IL16: variants seen among roughly 807,000 people sequenced by gnomAD.
IL16 encodes the protein interleukin 16.
IL16 carries 67 observed loss-of-function variants against 110.1 expected under a neutral mutation model. The ratio of observed to expected loss-of-function variants is 0.61; its 90% confidence interval spans 0.50 to 0.75. The LOEUF (loss-of-function observed/expected upper bound fraction) is 0.75, where lower values mean the gene tolerates loss of function less well. Among genes scored for constraint, IL16 ranks in the 30% least tolerant of loss-of-function variants. The probability of loss-of-function intolerance (pLI) is 0.00; values close to 1 mark genes in which losing one functional copy is unlikely to be tolerated. For missense variants in IL16, 1,545 were observed against 1,655.0 expected (o/e 0.93, Z 1.15); for synonymous variants, 689 against 662.9 (o/e 1.04, Z -0.61).
chr15:81,196,581 CA>C (rs1169729493), upstream of IL16, among the ~76,000 whole-genome samples: 1 of 152,180 alleles, frequency 6.6e-6, no homozygotes, highest in Non-Finnish European at 1.5e-5. Context: ...AGCAGCGTGC[CA>C]GGCACATTGC....
At chr15:81,203,043 T>A (rs1895878557) in intron 1 of IL16, among the ~76,000 whole-genome samples, 2 of 152,058 alleles carry the variant, frequency 1.3e-5, no homozygotes, top group Admixed American at 1.3e-4. Flanking sequence ...GATATCTCAT[T>A]GTGGTTTTGA....
chr15:81,228,099 G>A (rs767578587), intron 2 of IL16, among the ~76,000 whole-genome samples: 4 of 152,092 alleles, frequency 2.6e-5, no homozygotes, highest in Non-Finnish European at 5.9e-5. Context: ...AGGGACATGC[G>A]TCTGCAAAGA....
chr15:81,299,282 T>C, intron 13 of IL16, 98 bp from the exon 14 acceptor site: 1 of 1,596,026 alleles, frequency 6.3e-7, no homozygotes, highest in South Asian at 1.1e-5. Context: ...TCTCCTCCTC[T>C]TGAATCCTTC....
At chr15:81,266,873 A>G (rs373348062) in intron 4 of IL16, among the ~76,000 whole-genome samples, 3 of 152,328 alleles carry the variant, frequency 2.0e-5, no homozygotes, top group South Asian at 2.1e-4. Flanking sequence ...CGGTCAAGCA[A>G]TGTTTCCCTG....
chr15:81,307,274 G>T (rs1019260079), intron 18 of IL16, among the ~76,000 whole-genome samples: 1 of 152,188 alleles, frequency 6.6e-6, no homozygotes, highest in Non-Finnish European at 1.5e-5. Context: ...TCTAGTCCCA[G>T]CTCTGCCTGT....
chr15:81,226,540 A>T (rs532107210), intron 2 of IL16, among the ~76,000 whole-genome samples: 37 of 152,318 alleles, frequency 2.4e-4, no homozygotes, highest in Non-Finnish European at 4.7e-4. Flanking sequence ...TATGCATTTA[A>T]ATAGGGAAGA....
In IL16 at chr15:81,308,597, C is replaced by T; in HGVS notation, c.3806-8C>T. ...CTGTGGAACCCATTACCTTCTCCCT[C>T]ATTTCAGGAGCAGCCTCAGAACAAA... On this transcript the variant is annotated splice_polypyrimidine_tract_variant and splice_region_variant and intron_variant, in intron 18 of 18. Transcript: ENST00000683961. 1 of 1,589,422 alleles carries T rather than the reference C, an allele frequency of 6.3e-7. No homozygotes were observed. Among genetic ancestry groups the T allele is most frequent in the Non-Finnish European group, 8.6e-7 (1 of 1,169,108 alleles).
chr15:81,299,253 T>C, intron 13 of IL16, 127 bp from the exon 14 acceptor site: 3 of 1,525,074 alleles, frequency 2.0e-6, no homozygotes, highest in East Asian at 4.5e-5. Context: ...CCCACCTGGG[T>C]GTCCCCCACT....
intron 14 of IL16, among the ~76,000 whole-genome samples, chr15:81,300,997 T>C (rs555128644): frequency 6.6e-6 from 1 of 152,302 alleles, no homozygotes; most frequent in South Asian, 2.1e-4. Context: ...GTTCTTTCCA[T>C]GCTCACCCTC....
chr15:81,252,265 G>A (rs1401976931), intron 2 of IL16, among the ~76,000 whole-genome samples: 2 of 152,196 alleles, frequency 1.3e-5, no homozygotes, highest in Non-Finnish European at 2.9e-5. Flanking sequence ...AGAGGAGAAG[G>A]GATGTTGAAT....
upstream of IL16, among the ~76,000 whole-genome samples, chr15:81,192,739 A>G (rs1301111099): frequency 6.6e-6 from 1 of 152,248 alleles, no homozygotes; most frequent in African/African-American, 2.4e-5. Context: ...GAAGGTCTGC[A>G]TAGGAACCAG....
upstream of IL16, among the ~76,000 whole-genome samples, chr15:81,196,652 G>A (rs574444042): frequency 6.6e-6 from 1 of 152,348 alleles, no homozygotes; most frequent in Non-Finnish European, 1.5e-5. Flanking sequence ...GTTGTCCAAA[G>A]AAGGCAGGGG....
Position 81,210,853 on chromosome 15 carries a change from G to T in IL16, c.-102+13701G>T, listed in dbSNP as rs1896213430. Reference sequence around the variant, plus strand: ...TTTCATTTTTTTCTTTTGCCTGATTGCTCTGGCTAGAACTTCCAGTACTAT... The same window carrying T: ...TTTCATTTTTTTCTTTTGCCTGATTTCTCTGGCTAGAACTTCCAGTACTAT... On this transcript the variant is annotated intron_variant, in intron 1 of 18. Coordinates refer to ENST00000683961, the MANE Select transcript of IL16 (RefSeq NM_172217.5). Among the ~76,000 whole-genome samples the T allele has an allele frequency of 1.3e-5, 2 of 152,072 alleles. 1 individual carries two copies.
At chr15:81,290,184 T>G (rs960468412) in intron 10 of IL16, 33 of 478,426 alleles carry the variant, frequency 6.9e-5, no homozygotes, top group African/African-American at 5.7e-4. Flanking sequence ...CCTAGAATTT[T>G]CCAGCAAGTA....
chr15:81,313,535 GC>G lies in IL16; in HGVS notation c.*4740del, dbSNP rs967870528. 9.3e-6 allele frequency: 8 copies of G among 857,668 alleles called. No individual in the cohort carries two copies. The African/African-American group carries it at 1.4e-4, about 15-fold the overall frequency. 53.1% of individuals were successfully genotyped at this position (857,668 alleles called of 1,614,324 possible). A position where few individuals can be genotyped will look rare whatever the true frequency, so the allele number is the denominator to read the frequency against. On this transcript the variant is annotated 3_prime_UTR_variant, in exon 19 of 19. Transcript: ENST00000683961. ...GTGATCGCGTCTCATCCCTTGCTGTGCCCTCCACCCAGGAGTCCTCTCTGGA... is the reference window on the plus strand; with the variant it reads ...GTGATCGCGTCTCATCCCTTGCTGTGCCTCCACCCAGGAGTCCTCTCTGGA...
intron 2 of IL16, among the ~76,000 whole-genome samples, chr15:81,249,769 CTTA>C (rs1354764819): frequency 6.6e-6 from 1 of 151,978 alleles, no homozygotes; most frequent in East Asian, 1.9e-4. Context: ...ATAATTCTAC[CTTA>C]TTATTCCTAT....
At position 81,197,036 on chromosome 15, in the gene IL16, G is replaced by A. The variant is rs1004741505; in HGVS notation, c.-218G>A. 41 of 1,288,458 alleles carry A rather than the reference G, an allele frequency of 3.2e-5. No homozygotes were observed. The highest frequency in any genetic ancestry group is 4.3e-4 in the Middle Eastern group (2 of 4,634). The allele number at this position is 1,288,458 out of a possible 1,614,324, so 79.8% of individuals were successfully genotyped here. A position where few individuals can be genotyped will look rare whatever the true frequency, so the allele number is the denominator to read the frequency against. ...TCCTTGCCGGCTCTGACCCAGGCCT[G>A]GGCCACAGGCTGTCCGGGAATAAGT... On this transcript the variant is annotated 5_prime_UTR_variant, in exon 1 of 19. Transcript: ENST00000683961.
chr15:81,216,669 GCA>G, intron 1 of IL16, among the ~76,000 whole-genome samples: 1 of 152,172 alleles, frequency 6.6e-6, no homozygotes. Flanking sequence ...AGCAGCAGCA[GCA>G]GCAGGAGGAG....
intron 13 of IL16, among the ~76,000 whole-genome samples, chr15:81,297,421 G>A (rs1900044077): frequency 6.6e-6 from 1 of 152,286 alleles, no homozygotes; most frequent in East Asian, 1.9e-4. Context: ...CATTCCAGTT[G>A]CAACAGTCCT....
Sources: allele counts gnomAD v4.1 joint callset (sites outside exome capture counted in the v4.1 genomes callset), GRCh38; gene constraint gnomAD v4.1.1; transcripts MANE v1.5; gene names NCBI Gene and HGNC (gene_info 2026-07-23, HGNC 2026-07-21).